GRIK1: variants seen among roughly 807,000 people sequenced by gnomAD.
GRIK1 encodes glutamate ionotropic receptor kainate type subunit 1.
In GRIK1, 69 loss-of-function variants were observed where a neutral mutation model predicts 105.7. The observed-to-expected ratio is 0.65, with a 90% CI of 0.54 to 0.80. The LOEUF (loss-of-function observed/expected upper bound fraction) is 0.80. GRIK1 is among the 30% of genes least tolerant of loss of function. GRIK1 has a pLI of 0.00. For synonymous variants in GRIK1, 438 were observed against 431.3 expected (o/e 1.02, Z -0.19); for missense variants, 1,109 against 1,167.3 (o/e 0.95, Z 0.73).
At chr21:29,837,074 T>C (rs1470276515) in intron 1 of GRIK1, among the ~76,000 whole-genome samples, 1 of 152,224 alleles carries the variant, frequency 6.6e-6, no homozygotes, top group African/African-American at 2.4e-5. Context: ...TCTGAAATGC[T>C]AGTTCATACC....
At chr21:29,647,079 T>C (rs56123066) in intron 6 of GRIK1, among the ~76,000 whole-genome samples, 16,184 of 152,132 alleles carry the variant, frequency 0.11, 927 homozygotes, top group African/African-American at 0.15. Context: ...CTCCTGACCT[T>C]GTGATCTGCC....
intron 7 of GRIK1, among the ~76,000 whole-genome samples, chr21:29,622,773 C>G (rs1375656167): frequency 6.6e-6 from 1 of 152,210 alleles, no homozygotes; most frequent in Non-Finnish European, 1.5e-5. Context: ...CCTGAGAGCG[C>G]TTCCTCAATA....
At chr21:29,744,962 TC>T (rs2065015569) in intron 1 of GRIK1, among the ~76,000 whole-genome samples, 1 of 152,192 alleles carries the variant, frequency 6.6e-6, no homozygotes, top group Non-Finnish European at 1.5e-5. Context: ...CCTCCAATGA[TC>T]CCCACCTTCT....
At chr21:29,539,019 T>C (rs1018578474) in intron 16 of GRIK1, among the ~76,000 whole-genome samples, 4 of 151,028 alleles carry the variant, frequency 2.6e-5, no homozygotes, top group African/African-American at 7.4e-5. Flanking sequence ...AGCATAAGTG[T>C]TTATAGGATT....
intron 1 of GRIK1, among the ~76,000 whole-genome samples, chr21:29,896,489 G>C (rs1332514819): frequency 6.6e-6 from 1 of 152,136 alleles, no homozygotes; most frequent in Non-Finnish European, 1.5e-5. Context: ...CATATCCCCA[G>C]TATCTAGGAC....
chr21:29,883,201 T>A (rs2069488916), intron 1 of GRIK1, among the ~76,000 whole-genome samples: 1 of 152,136 alleles, frequency 6.6e-6, no homozygotes, highest in Admixed American at 6.6e-5. Flanking sequence ...AAAATGTATT[T>A]GTATATTCTA....
At chr21:29,766,207 G>A (rs1255802149) in intron 1 of GRIK1, among the ~76,000 whole-genome samples, 1 of 152,068 alleles carries the variant, frequency 6.6e-6, no homozygotes, top group Non-Finnish European at 1.5e-5. Context: ...CTCAGCCACA[G>A]GCCTTAAAAC....
chr21:29,783,460 A>T (rs1420827978), intron 1 of GRIK1, among the ~76,000 whole-genome samples: 1 of 152,156 alleles, frequency 6.6e-6, no homozygotes, highest in African/African-American at 2.4e-5. Context: ...TCGACAGGTT[A>T]GTCTTTTCCC....
intron 14 of GRIK1, among the ~76,000 whole-genome samples, 162 bp from the exon 15 acceptor site, chr21:29,562,011 G>A (rs148154000): frequency 3.0e-4 from 46 of 152,302 alleles, no homozygotes; most frequent in African/African-American, 1.1e-3. Context: ...TTGTAGCTGA[G>A]AAGAGCCCAG....
intron 2 of GRIK1, among the ~76,000 whole-genome samples, chr21:29,692,975 C>T (rs1033378102): frequency 6.6e-6 from 1 of 152,172 alleles, no homozygotes; most frequent in African/African-American, 2.4e-5. Context: ...GTGGACACAA[C>T]CTATGATCTA....
intron 15 of GRIK1, among the ~76,000 whole-genome samples, chr21:29,558,883 G>A (rs1935475864): frequency 6.6e-6 from 1 of 152,056 alleles, no homozygotes; most frequent in African/African-American, 2.4e-5. Flanking sequence ...GTCACTCACT[G>A]TACTATCAGA....
At chr21:29,880,665 T>A (rs555710138) in intron 1 of GRIK1, among the ~76,000 whole-genome samples, 6 of 152,146 alleles carry the variant, frequency 3.9e-5, no homozygotes, top group African/African-American at 1.4e-4. Context: ...GTGACAACTT[T>A]ACACAATGGT....
At chr21:29,692,758 A>G (rs2063608696) in intron 2 of GRIK1, among the ~76,000 whole-genome samples, 1 of 152,082 alleles carries the variant, frequency 6.6e-6, no homozygotes, top group East Asian at 1.9e-4. Flanking sequence ...TATTTTTAGT[A>G]GAGACAGGGT....
At chr21:29,566,700 C>T (rs191292199) in intron 14 of GRIK1, among the ~76,000 whole-genome samples, 111 of 152,246 alleles carry the variant, frequency 7.3e-4, no homozygotes, top group African/African-American at 2.5e-3. Context: ...GTGTAGCAAG[C>T]ACTATTTTAA....
intron 1 of GRIK1, among the ~76,000 whole-genome samples, chr21:29,924,612 A>G (rs2071296701): frequency 6.6e-6 from 1 of 152,130 alleles, no homozygotes; most frequent in African/African-American, 2.4e-5. Context: ...CCTGAAAGAC[A>G]TGGTATTTAA....
intron 1 of GRIK1, among the ~76,000 whole-genome samples, chr21:29,734,381 C>A (rs2064721727): frequency 2.7e-5 from 2 of 74,728 alleles, no homozygotes; most frequent in African/African-American, 8.0e-5. Context: ...CTTTTCTTTT[C>A]TTTTCTTTTC....
intron 4 of GRIK1, among the ~76,000 whole-genome samples, chr21:29,671,093 G>A (rs1181862681): frequency 6.6e-6 from 1 of 152,008 alleles, no homozygotes; most frequent in Non-Finnish European, 1.5e-5. Flanking sequence ...GCTTTCAAAT[G>A]CAACTTTGTG....
intron 4 of GRIK1, among the ~76,000 whole-genome samples, chr21:29,659,109 G>T (rs534064117): frequency 1.8e-3 from 272 of 152,144 alleles, no homozygotes; most frequent in African/African-American, 6.5e-3. Flanking sequence ...TTATGTTTTT[G>T]TTATCTAGTT....
intron 12 of GRIK1, among the ~76,000 whole-genome samples, chr21:29,585,266 A>T (rs1227542427): frequency 6.6e-6 from 1 of 152,136 alleles, no homozygotes; most frequent in African/African-American, 2.4e-5. Flanking sequence ...GTCCAAAAAT[A>T]TGGAGGTCTG....
Sources: gnomAD v4.1 joint callset for allele counts (sites outside exome capture counted in the v4.1 genomes callset) on GRCh38, gnomAD v4.1.1 for gene constraint, MANE v1.5 for transcripts, NCBI Gene and HGNC (gene_info 2026-07-23, HGNC 2026-07-21) for gene names.